SLIT3: variants seen among roughly 807,000 people sequenced by gnomAD.
SLIT3 encodes slit homolog 3 protein.
A neutral mutation model predicts 184.0 loss-of-function variants in SLIT3; 68 were observed. The observed-to-expected ratio is 0.37, with a 90% confidence interval of 0.30 to 0.45. The LOEUF (loss-of-function observed/expected upper bound fraction) is 0.45, where lower values mean the gene tolerates loss of function less well. Ranked by LOEUF, SLIT3 falls within the 20% of genes least tolerant of loss-of-function variation. The pLI, the probability that SLIT3 is intolerant of heterozygous loss-of-function variation, is 1.00. For missense variants in SLIT3, 1,707 were observed against 2,026.0 expected (o/e 0.84, Z 3.02); for synonymous variants, 831 against 828.6 (o/e 1.00, Z -0.05).
chr5:169,010,048 GAGTTTTACAGGAGGA>G (rs1255783039), intron 4 of SLIT3, among the ~76,000 whole-genome samples: 2 of 152,124 alleles, frequency 1.3e-5, no homozygotes, highest in Non-Finnish European at 2.9e-5. Flanking sequence ...TGAACCAATC[GAGTTTTACAGGAGGA>G]AGGAGGCAAA....
At chr5:169,105,500 G>T (rs114302478) in intron 4 of SLIT3, among the ~76,000 whole-genome samples, 1 of 152,284 alleles carries the variant, frequency 6.6e-6, no homozygotes, top group Non-Finnish European at 1.5e-5. Context: ...CCAAAGTCAC[G>T]CCAAGCGTTA....
intron 4 of SLIT3, among the ~76,000 whole-genome samples, chr5:169,099,935 C>G (rs937198137): frequency 1.3e-5 from 2 of 152,224 alleles, no homozygotes; most frequent in African/African-American, 4.8e-5. Context: ...CTGGGCTTAT[C>G]TGAACGAAAG....
At chr5:169,163,899 C>T (rs917312772) in intron 4 of SLIT3, among the ~76,000 whole-genome samples, 2 of 152,154 alleles carry the variant, frequency 1.3e-5, no homozygotes, top group African/African-American at 4.8e-5. Flanking sequence ...TTGCCCCATT[C>T]GTTCCTTTGG....
chr5:169,000,307 G>A (rs773167236), intron 4 of SLIT3, among the ~76,000 whole-genome samples: 1 of 143,932 alleles, frequency 6.9e-6, no homozygotes, highest in Non-Finnish European at 1.5e-5. Context: ...CAGGAGAATC[G>A]CTTGAACCTG....
chr5:169,149,312 C>A lies in SLIT3; in HGVS notation c.413+44167G>T, dbSNP rs149800759. 8.5e-3 allele frequency among the ~76,000 whole-genome samples: 1,272 copies of A among 149,426 alleles called. 16 individuals carry two copies. The highest frequency in any genetic ancestry group is 0.03 in the African/African-American group (1,210 of 40,590). On this transcript the variant is annotated intron_variant, in intron 4 of 35. Coordinates refer to ENST00000519560, the MANE Select transcript of SLIT3 (RefSeq NM_003062.4). ...GTCTTGTTAGAAAAAAAGATACAGCCTAAACTTATGAGAGAATACAACATG... is the reference window on the plus strand; with the variant it reads ...GTCTTGTTAGAAAAAAAGATACAGCATAAACTTATGAGAGAATACAACATG...
chr5:168,760,996 C>T (rs1048186217), intron 15 of SLIT3, 60 bp from the exon 16 acceptor site: 3 of 1,289,558 alleles, frequency 2.3e-6, no homozygotes, highest in Middle Eastern at 2.0e-4. Context: ...CCTTCCACCC[C>T]CCATGGCTTT....
At chr5:168,936,337 T>A (rs1184851752) in intron 4 of SLIT3, among the ~76,000 whole-genome samples, 1 of 152,138 alleles carries the variant, frequency 6.6e-6, no homozygotes, top group African/African-American at 2.4e-5. Context: ...TGGGTTCAAG[T>A]GATTCTCCTG....
chr5:168,708,167 C>T (rs1443070586), intron 25 of SLIT3, 67 bp from the exon 26 acceptor site: 2 of 1,610,056 alleles, frequency 1.2e-6, no homozygotes, highest in Non-Finnish European at 1.7e-6. Flanking sequence ...CTCCCTTCCC[C>T]TCTGCTCTGG....
chr5:169,148,875 T>G (rs1216525052), intron 4 of SLIT3, among the ~76,000 whole-genome samples: 4 of 120,844 alleles, frequency 3.3e-5, no homozygotes, highest in Admixed American at 7.5e-5. Context: ...TGACTAACAG[T>G]GTTACTTAAA....
At chr5:169,185,369 G>A (rs1219316739) in intron 4 of SLIT3, among the ~76,000 whole-genome samples, 7 of 152,134 alleles carry the variant, frequency 4.6e-5, no homozygotes, top group East Asian at 3.9e-4. Flanking sequence ...TGGTCTTGCC[G>A]TCCCCCGGCC....
chr5:169,271,673 G>A (rs1404102594), intron 1 of SLIT3, among the ~76,000 whole-genome samples: 1 of 152,202 alleles, frequency 6.6e-6, no homozygotes, highest in Non-Finnish European at 1.5e-5. Context: ...AGACAGAGAT[G>A]CTCAAAATAG....
intron 9 of SLIT3, among the ~76,000 whole-genome samples, chr5:168,801,804 C>T (rs185452166): frequency 1.3e-5 from 2 of 152,336 alleles, no homozygotes; most frequent in African/African-American, 4.8e-5. Context: ...AGTGAATCAT[C>T]ATCTCACTGT....
intron 4 of SLIT3, among the ~76,000 whole-genome samples, chr5:169,101,317 G>A (rs1191160680): frequency 1.3e-5 from 2 of 152,114 alleles, no homozygotes; most frequent in African/African-American, 2.4e-5. Flanking sequence ...ACAGGACGTG[G>A]GTAAAGCTGA....
At chr5:168,959,466 C>A (rs1762937321) in intron 4 of SLIT3, among the ~76,000 whole-genome samples, 1 of 152,168 alleles carries the variant, frequency 6.6e-6, no homozygotes, top group Non-Finnish European at 1.5e-5. Context: ...CCCTGGAGAG[C>A]CCATTGTGCC....
chr5:168,756,810 A>G (rs75537346), intron 16 of SLIT3, among the ~76,000 whole-genome samples: 2,589 of 152,286 alleles, frequency 0.017, 38 homozygotes, highest in Non-Finnish European at 0.024. Context: ...GGATTAAAAT[A>G]CAAGTGATGG....
chr5:169,164,197 G>T (rs577212609), intron 4 of SLIT3, among the ~76,000 whole-genome samples: 2 of 152,300 alleles, frequency 1.3e-5, no homozygotes, highest in East Asian at 3.9e-4. Context: ...CCATTGCAGG[G>T]CCTCTAAGTA....
intron 4 of SLIT3, among the ~76,000 whole-genome samples, chr5:168,914,553 G>A (rs995864298): frequency 6.6e-6 from 1 of 152,180 alleles, no homozygotes; most frequent in Non-Finnish European, 1.5e-5. Flanking sequence ...TGAGACCACT[G>A]GTCCTCCTGG....
intron 4 of SLIT3, among the ~76,000 whole-genome samples, chr5:169,123,856 A>G (rs1419668142): frequency 1.3e-5 from 2 of 152,136 alleles, no homozygotes; most frequent in African/African-American, 4.8e-5. Context: ...TTGCTTGCTG[A>G]TGTTCTAGGG....
At chr5:169,202,770 G>C (rs1763942560) in intron 3 of SLIT3, among the ~76,000 whole-genome samples, 1 of 150,472 alleles carries the variant, frequency 6.6e-6, no homozygotes, top group Non-Finnish European at 1.5e-5. Flanking sequence ...AGTATGAAAA[G>C]AAAACAAGCA....
Sources: gnomAD v4.1 joint callset for allele counts (sites outside exome capture counted in the v4.1 genomes callset) on GRCh38, gnomAD v4.1.1 for gene constraint, MANE v1.5 for transcripts, NCBI Gene and HGNC (gene_info 2026-07-23, HGNC 2026-07-21) for gene names.